AP3B1: variants seen among roughly 807,000 people sequenced by gnomAD.
AP3B1 encodes AP-3 complex subunit beta-1.
In AP3B1, 61 loss-of-function variants were observed where a neutral mutation model predicts 132.5. That is an observed-to-expected ratio of 0.46 (90% CI 0.37 to 0.57). The LOEUF is 0.57. AP3B1 is among the 20% of genes least tolerant of loss of function. The pLI is 0.00. For missense variants in AP3B1, 1,120 were observed against 1,289.4 expected, an observed-to-expected ratio of 0.87 and a Z score of 2.01; for synonymous variants, 388 against 438.3, an observed-to-expected ratio of 0.89 and a Z score of 1.43.
At chr5:78,100,529 C>T (rs144083399) in intron 21 of AP3B1, among the ~76,000 whole-genome samples, 7 of 152,234 alleles carry the variant, frequency 4.6e-5, no homozygotes, top group Non-Finnish European at 1.0e-4. Context: ...ATTTCCATTC[C>T]TACTGAAATT....
In AP3B1 at chr5:78,097,720, C is replaced by T. The variant is rs1195205032; in HGVS notation, c.2470+3233G>A. On this transcript the variant is annotated intron_variant, in intron 21 of 26. Coordinates refer to ENST00000255194, the MANE Select transcript of AP3B1 (RefSeq NM_003664.5). ...GAGGTGAGGGGCGCCTCTGCCAGGC[C>T]GCCCCTACTGGGAAGTGAGGAGCCC... Among the ~76,000 whole-genome samples, 10 of 151,962 alleles carry T rather than the reference C, an allele frequency of 6.6e-5. No homozygotes were observed. In the South Asian group the frequency reaches 1.5e-3, roughly 22 times the overall value.
At chr5:78,193,740 T>TATATATATATATATCTATATC (rs1561469382) in intron 7 of AP3B1, among the ~76,000 whole-genome samples, 1 of 41,730 alleles carries the variant, frequency 2.4e-5, no homozygotes, top group Non-Finnish European at 5.8e-5. Context: ...TTGTATATAT[T>TATATATATATATATCTATATC]TTTTTATATA....
intron 11 of AP3B1, among the ~76,000 whole-genome samples, chr5:78,166,167 A>G (rs1743621101): frequency 1.0e-5 from 1 of 100,158 alleles, no homozygotes; most frequent in Non-Finnish European, 2.1e-5. Context: ...ACACACACAC[A>G]CACACAAATC....
chr5:78,065,894 C>T (rs1388851418), intron 22 of AP3B1, among the ~76,000 whole-genome samples: 1 of 152,118 alleles, frequency 6.6e-6, no homozygotes, highest in Admixed American at 6.5e-5. Context: ...TCGCTAGACA[C>T]CTTACACAGG....
intron 6 of AP3B1, among the ~76,000 whole-genome samples, 199 bp from the exon 7 acceptor site, chr5:78,216,436 G>A (rs535839299): frequency 6.6e-6 from 1 of 152,204 alleles, no homozygotes; most frequent in South Asian, 2.1e-4. Context: ...GTTCTAATAT[G>A]TCTAGAAAAT....
intron 2 of AP3B1, among the ~76,000 whole-genome samples, chr5:78,261,451 G>A (rs946829288): frequency 1.5e-4 from 23 of 151,680 alleles, no homozygotes; most frequent in African/African-American, 5.1e-4. Context: ...TCATTTGGTC[G>A]GTTTTTGTTG....
intron 22 of AP3B1, among the ~76,000 whole-genome samples, chr5:78,068,111 C>T (rs1057005706): frequency 2.6e-5 from 4 of 151,994 alleles, no homozygotes; most frequent in Admixed American, 6.6e-5. Flanking sequence ...GATTACCTGA[C>T]GTCAGGAGTT....
chr5:78,118,181 T>A (rs568232542), intron 17 of AP3B1, among the ~76,000 whole-genome samples: 1 of 152,320 alleles, frequency 6.6e-6, no homozygotes, highest in East Asian at 1.9e-4. Flanking sequence ...AGTTTTGTTT[T>A]ATTTAAAAAA....
At chr5:78,003,503 G>C (rs563890759) in intron 26 of AP3B1, 1 of 750,754 alleles carries the variant, frequency 1.3e-6, no homozygotes, top group Non-Finnish European at 1.6e-6. Context: ...ATCTGAAAAT[G>C]ATTATGTAAT....
Position 78,002,775 on chromosome 5 carries a change from G to T in AP3B1, c.*127C>A. 9.4e-7 allele frequency: 1 copy of T among 1,059,536 alleles called. No individual in the cohort carries two copies. Among genetic ancestry groups the T allele is most frequent in the Non-Finnish European group, 1.5e-6 (1 of 677,074 alleles). The allele number at this position is 1,059,536 out of a possible 1,614,324, so 65.6% of individuals were successfully genotyped here. ...ACTAGCATTCTAAAGCAGGAGACAA[G>T]AATGTCAAGAGTGTATTCTACCCCC... On this transcript the variant is annotated 3_prime_UTR_variant, in exon 27 of 27. Coordinates refer to ENST00000255194, the MANE Select transcript of AP3B1 (RefSeq NM_003664.5).
At chr5:78,040,012 C>G (rs1448448896) in intron 22 of AP3B1, among the ~76,000 whole-genome samples, 1 of 151,844 alleles carries the variant, frequency 6.6e-6, no homozygotes, top group Admixed American at 6.6e-5. Context: ...AGCCAACTAC[C>G]AAAATGAACG....
chr5:78,279,630 C>T (rs529476385), intron 1 of AP3B1, among the ~76,000 whole-genome samples: 14 of 151,792 alleles, frequency 9.2e-5, no homozygotes, highest in African/African-American at 2.7e-4. Context: ...TTTCAATGGC[C>T]GGGCACTGTG....
intron 22 of AP3B1, among the ~76,000 whole-genome samples, chr5:78,072,709 A>ATTTTT (rs1388020571): frequency 5.5e-5 from 4 of 72,314 alleles, no homozygotes; most frequent in Non-Finnish European, 8.6e-5. Flanking sequence ...TGTCTGATAT[A>ATTTTT]TTCTTTTTTT....
chr5:78,181,790 A>G lies in AP3B1; in HGVS notation c.787-128T>C, dbSNP rs371207877. ...TACCGTAGAATACTTCTGTTTGGGCAATTTAAAAATATTACACAACCTATA... is the reference window on the plus strand; with the variant it reads ...TACCGTAGAATACTTCTGTTTGGGCGATTTAAAAATATTACACAACCTATA... On this transcript the variant is annotated intron_variant, in intron 7 of 26. Transcript: ENST00000255194. The G allele has an allele frequency of 3.7e-5, 28 of 760,734 alleles. No individual in the cohort carries two copies. The African/African-American group carries it at 4.6e-4, about 12-fold the overall frequency. 47.1% of individuals were successfully genotyped at this position (760,734 alleles called of 1,614,324 possible). A position where few individuals can be genotyped will look rare whatever the true frequency, so the allele number is the denominator to read the frequency against.
At chr5:78,070,421 A>C (rs981795180) in intron 22 of AP3B1, among the ~76,000 whole-genome samples, 18 of 152,046 alleles carry the variant, frequency 1.2e-4, no homozygotes, top group Middle Eastern at 3.4e-3. Flanking sequence ...AAAAAAAAAA[A>C]AAAACTAAAA....
chr5:78,218,187 C>A (rs1037223030), intron 6 of AP3B1, among the ~76,000 whole-genome samples: 1 of 151,984 alleles, frequency 6.6e-6, no homozygotes, highest in African/African-American at 2.4e-5. Context: ...CTAAACACTA[C>A]AAGGAAAATT....
intron 2 of AP3B1, among the ~76,000 whole-genome samples, chr5:78,243,995 T>C (rs1747260876): frequency 6.6e-6 from 1 of 152,126 alleles, no homozygotes; most frequent in Admixed American, 6.5e-5. Flanking sequence ...TATGATACCA[T>C]GGAAAACAGA....
At chr5:78,169,047 T>G (rs1743789958) in intron 11 of AP3B1, among the ~76,000 whole-genome samples, 1 of 152,152 alleles carries the variant, frequency 6.6e-6, no homozygotes, top group African/African-American at 2.4e-5. Context: ...CTTTCCTCAT[T>G]GGTTTGTAAT....
chr5:78,247,129 T>G (rs1001674540), intron 2 of AP3B1, among the ~76,000 whole-genome samples: 4 of 151,548 alleles, frequency 2.6e-5, no homozygotes, highest in African/African-American at 9.7e-5. Context: ...TTTAAAAAAA[T>G]TTTGATCTCT....
Sources: allele counts gnomAD v4.1 joint callset (sites outside exome capture counted in the v4.1 genomes callset), GRCh38; gene constraint gnomAD v4.1.1; transcripts MANE v1.5; gene names NCBI Gene and HGNC (gene_info 2026-07-23, HGNC 2026-07-21).